SNX14: variants seen among roughly 807,000 people sequenced by gnomAD.
SNX14 encodes the protein sorting nexin 14, also known as sorting nexin-14.
A neutral mutation model predicts 133.8 loss-of-function variants in SNX14; 93 were observed. That is an observed-to-expected ratio of 0.70 (90% CI 0.59 to 0.83). The LOEUF (loss-of-function observed/expected upper bound fraction) is 0.83. SNX14 is among the 40% of genes least tolerant of loss of function. The probability of loss-of-function intolerance (pLI) is 0.00; values close to 1 mark genes in which losing one functional copy is unlikely to be tolerated. For synonymous variants in SNX14, 368 were observed against 365.6 expected (o/e 1.01, Z -0.07); for missense variants, 945 against 1,094.9 (o/e 0.86, Z 1.93).
At chr6:85,511,004 C>T (rs1193543901) in intron 26 of SNX14, among the ~76,000 whole-genome samples, 5 of 152,088 alleles carry the variant, frequency 3.3e-5, no homozygotes, top group East Asian at 1.9e-4. Context: ...AATCTATAGA[C>T]GAAGTTCAGA....
At chr6:85,592,711 C>A (rs1380474068) in intron 1 of SNX14, among the ~76,000 whole-genome samples, 1 of 151,714 alleles carries the variant, frequency 6.6e-6, no homozygotes, top group East Asian at 1.9e-4. Context: ...GGGATGTGGC[C>A]GGGTGCGGTG....
At position 85,547,065 on chromosome 6, in the gene SNX14, T is replaced by G. The variant is rs79554685; in HGVS notation, c.1108+47A>C. The G allele has an allele frequency of 5.3e-4, 729 of 1,369,870 alleles. 3 individuals carry two copies. The African/African-American group carries it at 9.6e-3, about 18-fold the overall frequency. The allele number at this position is 1,369,870 out of a possible 1,614,324, so 84.9% of individuals were successfully genotyped here. ...TCTGATTTAAAATATTCAAATACAT[T>G]AAAAGGTTTAAAAATTACTTTCGTA... On this transcript the variant is annotated intron_variant, in intron 12 of 28. Coordinates refer to ENST00000314673, the MANE Select transcript of SNX14 (RefSeq NM_153816.6).
At chr6:85,515,732 A>AT (rs1393592125) in intron 23 of SNX14, among the ~76,000 whole-genome samples, 1 of 152,088 alleles carries the variant, frequency 6.6e-6, no homozygotes, top group Admixed American at 6.6e-5. Flanking sequence ...CTTCTGATAT[A>AT]TTATTCCCTC....
chr6:85,562,559 A>T (rs1399216186), intron 6 of SNX14, among the ~76,000 whole-genome samples: 3 of 149,178 alleles, frequency 2.0e-5, no homozygotes, highest in African/African-American at 4.9e-5. Context: ...TACTGCAATA[A>T]ATCTTTGAAC....
rs545008473 is a variant in SNX14 at position 85,581,963 on chromosome 6, A to G, written c.141-7585T>C. ...ATAACAGAGAACATCCCAAACCTAGAGAAAGGTATCAATGTTCAAGTACAA... is the reference window on the plus strand; with the variant it reads ...ATAACAGAGAACATCCCAAACCTAGGGAAAGGTATCAATGTTCAAGTACAA... On this transcript the variant is annotated intron_variant, in intron 1 of 28. Transcript: ENST00000314673. 2.0e-5 allele frequency: 3 copies of G among 152,358 alleles called. No homozygotes were observed. The South Asian group carries it at 6.2e-4, about 32-fold the overall frequency. 9.4% of individuals were successfully genotyped at this position (152,358 alleles called of 1,614,324 possible). A position where few individuals can be genotyped will look rare whatever the true frequency, so the allele number is the denominator to read the frequency against.
chr6:85,554,228 A>G (rs1394827062), intron 7 of SNX14, among the ~76,000 whole-genome samples: 1 of 151,808 alleles, frequency 6.6e-6, no homozygotes, highest in Non-Finnish European at 1.5e-5. Flanking sequence ...AAGTTTATAT[A>G]TATATATATA....
chr6:85,538,876 G>C lies in SNX14; in HGVS notation c.1449-12C>G. ...AACTTAGGCTACCTCTGCAATAACA[G>C]GTATGTGAAATAATATAAGGAGAGG... On this transcript the variant is annotated splice_polypyrimidine_tract_variant and intron_variant, in intron 15 of 28. Coordinates refer to ENST00000314673, the MANE Select transcript of SNX14 (RefSeq NM_153816.6). 3 of 1,588,592 alleles carry C rather than the reference G, an allele frequency of 1.9e-6. No individual in the cohort carries two copies. The highest frequency in any genetic ancestry group is 2.6e-6 in the Non-Finnish European group (3 of 1,169,036).
chr6:85,564,764 C>T (rs763150221), intron 6 of SNX14, among the ~76,000 whole-genome samples: 26 of 151,890 alleles, frequency 1.7e-4, no homozygotes, highest in African/African-American at 4.1e-4. Context: ...AAGAGGTGGG[C>T]GGATCACAAT....
chr6:85,588,261 T>C (rs1332858993), intron 1 of SNX14, among the ~76,000 whole-genome samples: 1 of 150,500 alleles, frequency 6.6e-6, no homozygotes, highest in East Asian at 2.0e-4. Flanking sequence ...GCCTGGGTGA[T>C]GGACTGAGAC....
In SNX14 at chr6:85,572,202, G is replaced by A. The variant is rs747506829; in HGVS notation, c.352C>T (p.Leu118Phe). 6.2e-7 allele frequency: 1 copy of A among 1,613,796 alleles called. No homozygotes were observed. ...TCTAGCCATGGCTGGTAGTTTTCAA[G>A]TAGCAAAGAAGGCCTAAAGAAAAAT... ...KCKRHRPSLL[L>F]ENYQPWLDLK... The change falls in exon 4 of 29, where the codon CTT becomes TTT. Residue 118 changes from leucine (L) to phenylalanine (F), a missense_variant. By Grantham distance (22) the Leu-to-Phe change is conservative. Around this residue, in one of 3 missense-constraint regions of SNX14, gnomAD observed 514 missense variants for 538.8 expected, o/e 0.95. Coordinates refer to ENST00000314673, the MANE Select transcript of SNX14 (RefSeq NM_153816.6).
chr6:85,564,826 A>G (rs1793190018), intron 6 of SNX14, among the ~76,000 whole-genome samples: 2 of 151,944 alleles, frequency 1.3e-5, no homozygotes, highest in South Asian at 2.1e-4. Flanking sequence ...TGTCTCTACT[A>G]AAAATACAAA....
chr6:85,592,825 T>C (rs1345333365), intron 1 of SNX14, among the ~76,000 whole-genome samples: 1 of 130,658 alleles, frequency 7.7e-6, no homozygotes, highest in Non-Finnish European at 1.6e-5. Context: ...CCGTCTCTAC[T>C]AAAAAAAAAA....
At chr6:85,557,016 G>A (rs1030928122) in intron 7 of SNX14, among the ~76,000 whole-genome samples, 16 of 152,232 alleles carry the variant, frequency 1.1e-4, no homozygotes, top group African/African-American at 3.9e-4. Context: ...AACATGATAG[G>A]TTAAAGTTAA....
intron 16 of SNX14, 55 bp from the exon 17 acceptor site, chr6:85,536,979 G>A: frequency 6.7e-7 from 1 of 1,488,322 alleles, no homozygotes; most frequent in South Asian, 1.4e-5. Flanking sequence ...CAACAGTCTA[G>A]TTTATTGAAA....
intron 6 of SNX14, among the ~76,000 whole-genome samples, chr6:85,564,389 C>A (rs1453055997): frequency 5.9e-5 from 9 of 152,186 alleles, no homozygotes; most frequent in Non-Finnish European, 1.0e-4. Context: ...GTCCCACCAG[C>A]AGTGTAAAAG....
At position 85,593,583 on chromosome 6, in the gene SNX14, TAAG is replaced by T; in HGVS notation, c.133_135del (p.Leu45del). ...GGCTCCGCGCTGCGGCGTTACCTGT[TAAG>T]AAGCAGGGAGGCGGCGCTGAGACAG... is the stretch of plus-strand genomic sequence containing the variant. On this transcript the variant is annotated inframe_deletion, in exon 1 of 29. Transcript: ENST00000314673. 1 of 1,610,818 alleles carries T rather than the reference TAAG, an allele frequency of 6.2e-7. No individual in the cohort carries two copies. Among genetic ancestry groups the T allele is most frequent in the East Asian group, 2.2e-5 (1 of 44,752 alleles).
chr6:85,541,484 A>T (rs1055966215), intron 15 of SNX14, among the ~76,000 whole-genome samples: 1 of 152,204 alleles, frequency 6.6e-6, no homozygotes, highest in African/African-American at 2.4e-5. Flanking sequence ...AACCTTGCAA[A>T]CACAAATTAG....
chr6:85,509,495 T>TCTGC (rs1771989578), intron 26 of SNX14, among the ~76,000 whole-genome samples: 1 of 28,480 alleles, frequency 3.5e-5, no homozygotes. Flanking sequence ...TCTCTAAGGT[T>TCTGC]CTGTCCTAAG....
intron 18 of SNX14, among the ~76,000 whole-genome samples, chr6:85,531,642 C>CT (rs1192882839): frequency 1.3e-5 from 2 of 152,160 alleles, no homozygotes; most frequent in Non-Finnish European, 2.9e-5. Flanking sequence ...AAATGATATA[C>CT]TTTTTTTCTC....
Sources: allele counts gnomAD v4.1 joint callset (sites outside exome capture counted in the v4.1 genomes callset), GRCh38; gene constraint gnomAD v4.1.1; regional missense constraint gnomAD v4.1.1; transcripts MANE v1.5; gene names NCBI Gene and HGNC (gene_info 2026-07-23, HGNC 2026-07-21).